Variants in ACSF3 observed in about 807,000 individuals in gnomAD.
ACSF3 encodes acyl-CoA synthetase family member 3, also known as malonate--CoA ligase ACSF3, mitochondrial.
ACSF3 carries 78 observed loss-of-function variants against 53.2 expected under a neutral mutation model. The ratio of observed to expected loss-of-function variants is 1.47; its 90% CI spans 1.22 to 1.77. The LOEUF is 1.77. Ranked by LOEUF, ACSF3 falls within the 40% of genes most tolerant of loss-of-function variation. The pLI, the probability that ACSF3 is intolerant of heterozygous loss-of-function variation, is 0.00. For synonymous variants in ACSF3, 414 were observed against 333.1 expected (o/e 1.24, Z -2.65); for missense variants, 937 against 771.1 (o/e 1.22, Z -2.55).
At chr16:89,095,583 C>T (rs996926127) in intron 1 of ACSF3, among the ~76,000 whole-genome samples, 7 of 123,680 alleles carry the variant, frequency 5.7e-5, no homozygotes, top group Admixed American at 1.2e-4. Context: ...CCGGCATCCA[C>T]TTCAAACACA....
In ACSF3 at chr16:89,106,729, T is replaced by C. The variant is rs920319872; in HGVS notation, c.822+3970T>C. Among the ~76,000 whole-genome samples, 4 of 152,238 alleles carry C rather than the reference T, an allele frequency of 2.6e-5. No homozygotes were observed. The South Asian group carries it at 6.2e-4, about 24-fold the overall frequency. On this transcript the variant is annotated intron_variant, in intron 4 of 10. Transcript: ENST00000614302. The stretch of plus-strand genomic sequence containing the variant: ...TCCAGCTGTCAGCGTTATTGAACTT[T>C]GGGATTTTGTCTAAGATTGTGTGGA...
rs574607665 is a variant in ACSF3, at chr16:89,102,809, C to A, written c.822+50C>A. Reference sequence around the variant, plus strand: ...TTGCACCCTCAGACTAGGCGCCTTTCCCCTGTCGGGGCCAGGGCTCTCAGC... The same window carrying A: ...TTGCACCCTCAGACTAGGCGCCTTTACCCTGTCGGGGCCAGGGCTCTCAGC... On this transcript the variant is annotated intron_variant, in intron 4 of 10. Coordinates refer to ENST00000614302, the MANE Select transcript of ACSF3 (RefSeq NM_001243279.3). 1.1e-5 allele frequency: 17 copies of A among 1,521,140 alleles called. No individual in the cohort carries two copies. In the East Asian group the frequency reaches 1.6e-4, roughly 14 times the overall value. The allele number at this position is 1,521,140 out of a possible 1,614,324, so 94.2% of individuals were successfully genotyped here.
chr16:89,123,532 G>C (rs1406367922), intron 7 of ACSF3, among the ~76,000 whole-genome samples: 3 of 152,182 alleles, frequency 2.0e-5, no homozygotes, highest in Admixed American at 1.3e-4. Context: ...ATCCACTCTT[G>C]TCTGTGCCGA....
At chr16:89,098,293 A>G (rs972789186) in intron 1 of ACSF3, among the ~76,000 whole-genome samples, 2 of 152,246 alleles carry the variant, frequency 1.3e-5, no homozygotes, top group African/African-American at 4.8e-5. Context: ...AACCACAGAC[A>G]ATAACACAGT....
intron 1 of ACSF3, among the ~76,000 whole-genome samples, chr16:89,096,347 G>A (rs1171070389): frequency 6.6e-6 from 1 of 152,218 alleles, no homozygotes; most frequent in African/African-American, 2.4e-5. Context: ...CCCAGTGGTT[G>A]AAAGGTGAGG....
chr16:89,114,893 A>T, intron 6 of ACSF3: 1 of 346,250 alleles, frequency 2.9e-6, no homozygotes, highest in Non-Finnish European at 5.7e-6. Context: ...CGCCAGCAGC[A>T]GTGCCAGGAG....
intron 5 of ACSF3, among the ~76,000 whole-genome samples, chr16:89,113,014 C>T (rs1319135282): frequency 6.6e-6 from 1 of 152,252 alleles, no homozygotes; most frequent in Non-Finnish European, 1.5e-5. Context: ...TTGCTCTGCA[C>T]TCTCCCATGA....
At position 89,099,415 on chromosome 16, in the gene ACSF3, T is replaced by C. The variant is rs186532081; in HGVS notation, c.-21+652T>C. Among the ~76,000 whole-genome samples, 9 of 152,216 alleles carry C rather than the reference T, an allele frequency of 5.9e-5. No homozygotes were observed. In the East Asian group the frequency reaches 1.4e-3, roughly 23 times the overall value. ...ATTTATTTGTTATTTAGTAGTTAAG[T>C]TTTTGGGGGGAAAGGAGAGAATTAT... On this transcript the variant is annotated intron_variant, in intron 2 of 10. Coordinates refer to ENST00000614302, the MANE Select transcript of ACSF3 (RefSeq NM_001243279.3).
intron 1 of ACSF3, among the ~76,000 whole-genome samples, chr16:89,096,045 C>T (rs908245980): frequency 2.0e-5 from 3 of 152,246 alleles, no homozygotes; most frequent in East Asian, 3.9e-4. Context: ...GCTAGAACAC[C>T]GAGAGGTCCT....
intron 6 of ACSF3, among the ~76,000 whole-genome samples, chr16:89,117,152 C>G (rs1905261174): frequency 6.6e-6 from 1 of 152,174 alleles, no homozygotes; most frequent in East Asian, 1.9e-4. Context: ...GACATGTGAG[C>G]AGGACAAGTT....
chr16:89,136,409 C>T (rs571753638), intron 8 of ACSF3: 24 of 822,256 alleles, frequency 2.9e-5, no homozygotes, highest in African/African-American at 2.2e-4. Context: ...GCCTGGAAGC[C>T]GCATGTCTTT....
Position 89,120,834 on chromosome 16 carries a change from T to C in ACSF3, c.1160T>C (p.Val387Ala). 3.1e-6 allele frequency: 5 copies of C among 1,614,062 alleles called. No homozygotes were observed. The highest frequency in any genetic ancestry group is 4.2e-6 in the Non-Finnish European group (5 of 1,179,974). ...GGGACCCCACTGCCTGGAGTACAGG[T>C]GCGCATTGTCTCAGAAAACCCACAG... is the stretch of plus-strand genomic sequence containing the variant. The part of the protein sequence containing the change: ...SVGTPLPGVQ[V>A]RIVSENPQRE... Residue 387 changes from valine (V) to alanine (A), a missense_variant, in exon 7 of 11, where the codon GTG (valine) becomes GCG (alanine). Physicochemically the swap from Val to Ala is moderately conservative, Grantham distance 64 (BLOSUM62 0). Transcript: ENST00000614302.
Position 89,101,328 on chromosome 16 carries a change from A to G in ACSF3, c.647A>G (p.His216Arg). 2.5e-6 allele frequency: 4 copies of G among 1,591,914 alleles called. No homozygotes were observed. The highest frequency in any genetic ancestry group is 3.4e-6 in the Non-Finnish European group (4 of 1,169,804). ...AGGCCCAAGGGCGTGCTGAGCACGC[A>G]CCAAAACATCAGGGCTGTGGTGAGT... The part of the protein sequence containing the change: ...TGRPKGVLST[H>R]QNIRAVVTGL... The change falls in exon 3 of 11, where the codon CAC becomes CGC. Residue 216 changes from histidine to arginine, a missense_variant. Coordinates refer to ENST00000614302, the MANE Select transcript of ACSF3 (RefSeq NM_001243279.3).
chr16:89,111,714 G>A (rs1037272838), intron 4 of ACSF3, among the ~76,000 whole-genome samples: 4 of 152,370 alleles, frequency 2.6e-5, no homozygotes, highest in African/African-American at 7.2e-5. Flanking sequence ...GTCACTGCAT[G>A]CCTGTCCATA....
chr16:89,140,999 T>C, intron 8 of ACSF3: 14 of 1,179,954 alleles, frequency 1.2e-5, no homozygotes, highest in Non-Finnish European at 1.5e-5. Context: ...CCAGAATCGA[T>C]GCATTTTGAT....
intron 6 of ACSF3, among the ~76,000 whole-genome samples, chr16:89,117,448 A>G (rs1024607558): frequency 2.0e-5 from 3 of 152,106 alleles, no homozygotes; most frequent in Non-Finnish European, 4.4e-5. Flanking sequence ...TGAGAAGCTG[A>G]AATCAGGAGC....
In ACSF3 at chr16:89,101,103, C is replaced by G; in HGVS notation, c.422C>G (p.Ser141Cys). ...AAQLEYVICD[S>C]QSSVVLASQE... is the part of the protein sequence containing the mutation. ...CAGCTGGAGTATGTCATCTGCGACT[C>G]CCAGAGCTCTGTGGTCCTTGCCAGC... Residue 141 changes from serine (S) to cysteine (C), a missense_variant, in exon 3 of 11, where the codon TCC (serine) becomes TGC (cysteine). Ser to Cys is a moderately radical substitution (Grantham distance 112). Transcript: ENST00000614302. 6.2e-7 allele frequency: 1 copy of G among 1,614,112 alleles called. No homozygotes were observed. Among genetic ancestry groups the G allele is most frequent in the Non-Finnish European group, 8.5e-7 (1 of 1,180,038 alleles).
At chr16:89,100,320 C>A (rs1975123185) in intron 2 of ACSF3, among the ~76,000 whole-genome samples, 1 of 152,248 alleles carries the variant, frequency 6.6e-6, no homozygotes, top group South Asian at 2.1e-4. Flanking sequence ...TTTCCAGGCT[C>A]AGGATTCTAA....
chr16:89,109,243 A>G (rs182786884), intron 4 of ACSF3, among the ~76,000 whole-genome samples: 4,950 of 148,558 alleles, frequency 0.033, 220 homozygotes, highest in East Asian at 0.16. Flanking sequence ...AAAAAAAAAA[A>G]AAAAAAAGAA....
Sources: gnomAD v4.1 joint callset for allele counts (sites outside exome capture counted in the v4.1 genomes callset) on GRCh38, gnomAD v4.1.1 for gene constraint, MANE v1.5 for transcripts, NCBI Gene and HGNC (gene_info 2026-07-23, HGNC 2026-07-21) for gene names.